Variants in PLCL1 observed in about 807,000 individuals in gnomAD.
PLCL1 encodes the protein phospholipase C like 1 (inactive).
PLCL1 carries 41 observed loss-of-function variants against 84.4 expected under a neutral mutation model. That is an observed-to-expected ratio of 0.49 (90% CI 0.38 to 0.63). The LOEUF is 0.63. Ranked by LOEUF, PLCL1 falls within the 30% of genes least tolerant of loss-of-function variation. PLCL1 has a pLI of 0.00. For missense variants in PLCL1, 1,206 were observed against 1,367.8 expected, an observed-to-expected ratio of 0.88 and a Z score of 1.87; for synonymous variants, 490 against 488.3, an observed-to-expected ratio of 1.00 and a Z score of -0.05.
chr2:198,062,260 CAA>C (rs1692222396), intron 1 of PLCL1, among the ~76,000 whole-genome samples: 1 of 152,088 alleles, frequency 6.6e-6, no homozygotes, highest in Admixed American at 6.6e-5. Context: ...CATTAAAAGA[CAA>C]GTTTTATCTA....
chr2:197,971,013 G>A (rs1043958811), intron 1 of PLCL1, among the ~76,000 whole-genome samples: 2 of 152,148 alleles, frequency 1.3e-5, no homozygotes, highest in African/African-American at 4.8e-5. Context: ...AGAAGGCTGG[G>A]GTTATGCCCA....
chr2:197,901,943 T>G (rs1688276115), intron 1 of PLCL1, among the ~76,000 whole-genome samples: 1 of 152,172 alleles, frequency 6.6e-6, no homozygotes, highest in Non-Finnish European at 1.5e-5. Flanking sequence ...CAAAATAGTT[T>G]CCTATGTTAA....
At chr2:197,982,894 A>G (rs1218186978) in intron 1 of PLCL1, among the ~76,000 whole-genome samples, 1 of 152,066 alleles carries the variant, frequency 6.6e-6, no homozygotes, top group Non-Finnish European at 1.5e-5. Context: ...AAATATCAAT[A>G]TTTTTCAGAT....
At chr2:198,036,623 A>T (rs368012870) in intron 1 of PLCL1, among the ~76,000 whole-genome samples, 18 of 152,228 alleles carry the variant, frequency 1.2e-4, no homozygotes, top group African/African-American at 4.3e-4. Flanking sequence ...TTGAGAATTG[A>T]CCTAAGCTGA....
intron 1 of PLCL1, among the ~76,000 whole-genome samples, chr2:197,904,653 A>G (rs1036413475): frequency 4.0e-5 from 6 of 151,622 alleles, no homozygotes; most frequent in Non-Finnish European, 8.8e-5. Context: ...GTGGCTTTCT[A>G]CTCCCACCCC....
intron 1 of PLCL1, among the ~76,000 whole-genome samples, chr2:198,012,657 T>C (rs1690897335): frequency 6.6e-6 from 1 of 150,498 alleles, no homozygotes; most frequent in Non-Finnish European, 1.5e-5. Flanking sequence ...TCGTGTTTCA[T>C]TTTTTTTTGT....
At chr2:198,003,227 C>T (rs1161021819) in intron 1 of PLCL1, among the ~76,000 whole-genome samples, 2 of 152,022 alleles carry the variant, frequency 1.3e-5, no homozygotes, top group Non-Finnish European at 2.9e-5. Context: ...TCTACTAAGA[C>T]TACTTTACAA....
intron 1 of PLCL1, among the ~76,000 whole-genome samples, chr2:198,063,763 T>G (rs1692262732): frequency 6.6e-6 from 1 of 152,196 alleles, no homozygotes; most frequent in South Asian, 2.1e-4. Context: ...ATTTGTATAC[T>G]GTGTTCCATC....
intron 1 of PLCL1, among the ~76,000 whole-genome samples, chr2:197,861,092 G>A (rs1299903987): frequency 6.6e-6 from 1 of 152,148 alleles, no homozygotes; most frequent in Admixed American, 6.6e-5. Context: ...GTTTGCTAAT[G>A]AGATGACTGG....
chr2:198,046,285 C>T (rs1691788704), intron 1 of PLCL1, among the ~76,000 whole-genome samples: 1 of 152,130 alleles, frequency 6.6e-6, no homozygotes, highest in Non-Finnish European at 1.5e-5. Context: ...TTTAGTTAAA[C>T]TTTTCCCTTA....
chr2:198,018,959 G>A (rs1053552269), intron 1 of PLCL1, among the ~76,000 whole-genome samples: 1 of 152,290 alleles, frequency 6.6e-6, no homozygotes, highest in Non-Finnish European at 1.5e-5. Flanking sequence ...AGCAGGGGTC[G>A]AGAGACACCT....
chr2:197,811,955 T>C (rs1181668744), intron 1 of PLCL1, among the ~76,000 whole-genome samples: 4 of 152,178 alleles, frequency 2.6e-5, no homozygotes, highest in Non-Finnish European at 5.9e-5. Context: ...TCAACCCAAG[T>C]ACCCTAACCC....
At chr2:197,935,701 C>T (rs1689038440) in intron 1 of PLCL1, among the ~76,000 whole-genome samples, 1 of 152,096 alleles carries the variant, frequency 6.6e-6, no homozygotes, top group Non-Finnish European at 1.5e-5. Flanking sequence ...TCTGTACACC[C>T]AACCCCTGTG....
chr2:198,066,091 C>T (rs1692314817), intron 1 of PLCL1, among the ~76,000 whole-genome samples: 1 of 152,148 alleles, frequency 6.6e-6, no homozygotes, highest in Non-Finnish European at 1.5e-5. Context: ...TTTTCCCTCT[C>T]CTTTGTTAGC....
intron 1 of PLCL1, among the ~76,000 whole-genome samples, chr2:197,958,540 A>G (rs899584915): frequency 6.6e-6 from 1 of 152,068 alleles, no homozygotes; most frequent in African/African-American, 2.4e-5. Context: ...AACACATGGC[A>G]TCTAACCACA....
At chr2:198,050,312 A>G (rs1691895894) in intron 1 of PLCL1, among the ~76,000 whole-genome samples, 1 of 152,192 alleles carries the variant, frequency 6.6e-6, no homozygotes. Flanking sequence ...GAGTTAAACA[A>G]GAAAGTAAAA....
intron 1 of PLCL1, among the ~76,000 whole-genome samples, chr2:198,031,569 C>A (rs1472077980): frequency 6.6e-6 from 1 of 151,532 alleles, no homozygotes. Context: ...GAGCTCACTG[C>A]AGCCTTGACC....
intron 3 of PLCL1, among the ~76,000 whole-genome samples, chr2:198,096,135 A>T (rs1166929837): frequency 6.6e-6 from 1 of 152,220 alleles, no homozygotes; most frequent in African/African-American, 2.4e-5. Context: ...TCTGTCCTTG[A>T]GGAATGGGCA....
At chr2:198,065,306 C>T (rs1320650809) in intron 1 of PLCL1, among the ~76,000 whole-genome samples, 1 of 152,172 alleles carries the variant, frequency 6.6e-6, no homozygotes, top group Non-Finnish European at 1.5e-5. Context: ...GTAAGGCTTT[C>T]AACTTTCCAG....
Sources: allele counts gnomAD v4.1 joint callset (sites outside exome capture counted in the v4.1 genomes callset), GRCh38; gene constraint gnomAD v4.1.1; transcripts MANE v1.5; gene names NCBI Gene and HGNC (gene_info 2026-07-23, HGNC 2026-07-21).